DYM: variants seen among roughly 807,000 people sequenced by gnomAD.
DYM encodes dyggve-Melchior-Clausen syndrome protein.
DYM carries 78 observed loss-of-function variants against 93.1 expected under a neutral mutation model. The ratio of observed to expected loss-of-function variants is 0.84; its 90% confidence interval spans 0.70 to 1.01. The LOEUF (loss-of-function observed/expected upper bound fraction) is 1.01, where lower values mean the gene tolerates loss of function less well. Among genes scored for constraint, DYM ranks in the 50% least tolerant of loss-of-function variants. The pLI, the probability that DYM is intolerant of heterozygous loss-of-function variation, is 0.00. For synonymous variants in DYM, 321 were observed against 319.7 expected (o/e 1.00, Z -0.04); for missense variants, 789 against 845.0 (o/e 0.93, Z 0.82).
At chr18:49,457,350 T>C (rs1017473917) in intron 1 of DYM, among the ~76,000 whole-genome samples, 1 of 152,186 alleles carries the variant, frequency 6.6e-6, no homozygotes, top group Non-Finnish European at 1.5e-5. Flanking sequence ...ATTACACATA[T>C]ATACTATGTT....
At chr18:49,262,844 T>A (rs986466802) in intron 11 of DYM, among the ~76,000 whole-genome samples, 5 of 151,952 alleles carry the variant, frequency 3.3e-5, no homozygotes, top group African/African-American at 1.2e-4. Flanking sequence ...GGCTACATTT[T>A]AAAAAAAATC....
intron 6 of DYM, among the ~76,000 whole-genome samples, chr18:49,341,227 A>G (rs1385209142): frequency 2.6e-5 from 4 of 152,226 alleles, no homozygotes; most frequent in Non-Finnish European, 5.9e-5. Context: ...GTGGTGGCTC[A>G]TGCCTGTAAT....
At chr18:49,119,507 T>C (rs181584197) in intron 15 of DYM, among the ~76,000 whole-genome samples, 150 of 152,304 alleles carry the variant, frequency 9.8e-4, no homozygotes, top group African/African-American at 3.2e-3. Flanking sequence ...AAAAGGGCAA[T>C]GGAAAGAGCA....
At chr18:49,355,297 C>T (rs2065452670) in intron 6 of DYM, among the ~76,000 whole-genome samples, 1 of 151,694 alleles carries the variant, frequency 6.6e-6, no homozygotes. Context: ...GCATTGATAT[C>T]TATCATAGAT....
intron 8 of DYM, among the ~76,000 whole-genome samples, chr18:49,315,724 A>G (rs1262117191): frequency 1.3e-5 from 2 of 152,228 alleles, no homozygotes; most frequent in Non-Finnish European, 2.9e-5. Context: ...TTAAAACACA[A>G]AAACATAACT....
At chr18:49,140,608 C>T (rs188745817) in intron 15 of DYM, among the ~76,000 whole-genome samples, 42 of 152,214 alleles carry the variant, frequency 2.8e-4, no homozygotes, top group Admixed American at 2.6e-3. Context: ...TTATTATGAG[C>T]TGTTATTAAT....
chr18:49,319,056 C>A (rs1051524166), intron 8 of DYM, among the ~76,000 whole-genome samples: 1 of 152,034 alleles, frequency 6.6e-6, no homozygotes, highest in Admixed American at 6.6e-5. Context: ...CCACCCACCT[C>A]GGCCTCCCAA....
intron 17 of DYM, among the ~76,000 whole-genome samples, chr18:49,063,803 A>AT (rs1228673653): frequency 5.9e-5 from 9 of 151,554 alleles, no homozygotes; most frequent in African/African-American, 1.9e-4. Flanking sequence ...ACTTTTTTGT[A>AT]TTTTTTGTAG....
chr18:49,442,605 A>G (rs1405822180), intron 1 of DYM, among the ~76,000 whole-genome samples: 2 of 152,132 alleles, frequency 1.3e-5, no homozygotes, highest in Non-Finnish European at 2.9e-5. Flanking sequence ...TAGAAAACAG[A>G]TGATTCTAAG....
intron 8 of DYM, among the ~76,000 whole-genome samples, chr18:49,328,784 C>A (rs1430453521): frequency 6.6e-6 from 1 of 152,140 alleles, no homozygotes. Flanking sequence ...CAGGAAACAA[C>A]AGGTGCTGGA....
At chr18:49,360,408 G>A (rs1021765809) in intron 6 of DYM, among the ~76,000 whole-genome samples, 2 of 152,056 alleles carry the variant, frequency 1.3e-5, no homozygotes, top group East Asian at 1.9e-4. Context: ...GCAGATCACA[G>A]GTCAGGAGTT....
intron 8 of DYM, among the ~76,000 whole-genome samples, chr18:49,312,880 T>C (rs533203642): frequency 1.3e-5 from 2 of 152,236 alleles, no homozygotes; most frequent in African/African-American, 4.8e-5. Context: ...AAAGGTAGAA[T>C]AGAAGCACAG....
chr18:49,406,209 C>T (rs2071480962), intron 2 of DYM, among the ~76,000 whole-genome samples: 1 of 152,154 alleles, frequency 6.6e-6, no homozygotes, highest in Admixed American at 6.5e-5. Flanking sequence ...TTATTTCTTT[C>T]TCTTGCCTGA....
At chr18:49,414,574 C>T (rs1197376220) in intron 2 of DYM, among the ~76,000 whole-genome samples, 1 of 152,162 alleles carries the variant, frequency 6.6e-6, no homozygotes, top group African/African-American at 2.4e-5. Context: ...TTCTGCTACA[C>T]GGGCCTTTTG....
In DYM at chr18:49,043,692, G is replaced by C; in HGVS notation, c.*363C>G. On this transcript the variant is annotated 3_prime_UTR_variant, in exon 18 of 18. Transcript: ENST00000675505. The stretch of plus-strand genomic sequence containing the variant: ...TCTACGCTTTTGAATAGTGTGCACT[G>C]TTGAATAGTGTGCACTGTTGGATAG... 1 of 274,882 alleles carries C rather than the reference G, an allele frequency of 3.6e-6. No homozygotes were observed. The highest frequency in any genetic ancestry group is 7.0e-6 in the Non-Finnish European group (1 of 143,168). The allele number at this position is 274,882 out of a possible 1,614,324, so 17.0% of individuals were successfully genotyped here. A position where few individuals can be genotyped will look rare whatever the true frequency, so the allele number is the denominator to read the frequency against.
intron 1 of DYM, among the ~76,000 whole-genome samples, chr18:49,446,056 T>C (rs1207562875): frequency 6.6e-6 from 1 of 152,210 alleles, no homozygotes. Context: ...TTATCTAAAA[T>C]TGATAAATCA....
chr18:49,111,624 T>G (rs991007861), intron 16 of DYM, among the ~76,000 whole-genome samples: 2 of 152,192 alleles, frequency 1.3e-5, no homozygotes, highest in African/African-American at 4.8e-5. Context: ...TAATGATGCC[T>G]TGTGCTTTGC....
intron 13 of DYM, among the ~76,000 whole-genome samples, chr18:49,231,464 C>G (rs1336069511): frequency 6.6e-6 from 1 of 152,130 alleles, no homozygotes; most frequent in Non-Finnish European, 1.5e-5. Flanking sequence ...CTCCCTTTAC[C>G]CAATTTTCCA....
intron 5 of DYM, among the ~76,000 whole-genome samples, chr18:49,364,148 TAA>T (rs962515134): frequency 2.0e-5 from 3 of 152,122 alleles, no homozygotes; most frequent in Admixed American, 6.6e-5. Flanking sequence ...TTTACTAAAT[TAA>T]AACTCACTCC....
Sources: gnomAD v4.1 joint callset for allele counts (sites outside exome capture counted in the v4.1 genomes callset) on GRCh38, gnomAD v4.1.1 for gene constraint, MANE v1.5 for transcripts, NCBI Gene and HGNC (gene_info 2026-07-23, HGNC 2026-07-21) for gene names.